Variants in SLIT3 observed in about 807,000 individuals in gnomAD.
SLIT3 encodes slit homolog 3 protein.
SLIT3 carries 68 observed loss-of-function variants against 184.0 expected under a neutral mutation model. The ratio of observed to expected loss-of-function variants is 0.37; its 90% CI spans 0.30 to 0.45. The LOEUF is 0.45. SLIT3 is among the 20% of genes least tolerant of loss of function. The pLI is 1.00. For synonymous variants in SLIT3, 831 were observed against 828.6 expected (o/e 1.00, Z -0.05); for missense variants, 1,707 against 2,026.0 (o/e 0.84, Z 3.02).
chr5:168,873,663 C>T lies in SLIT3; in HGVS notation c.485+9602G>A, dbSNP rs147159788. ...AAAGATAAGATAATACACGTGAAGG[C>T]TGCGTGCAAACCAGAAAGCAACGTA... On this transcript the variant is annotated intron_variant, in intron 5 of 35. Coordinates refer to ENST00000519560, the MANE Select transcript of SLIT3 (RefSeq NM_003062.4). Among the ~76,000 whole-genome samples, 622 of 152,190 alleles carry T rather than the reference C, an allele frequency of 4.1e-3. 3 individuals carry two copies. Among genetic ancestry groups the T allele is most frequent in the African/African-American group, 0.014 (584 of 41,504 alleles).
chr5:168,785,133 G>A (rs1221820305), intron 12 of SLIT3, among the ~76,000 whole-genome samples: 1 of 134,634 alleles, frequency 7.4e-6, no homozygotes, highest in African/African-American at 2.8e-5. Flanking sequence ...ATGTGCACAT[G>A]CATGCACACA....
At position 168,970,990 on chromosome 5, in the gene SLIT3, C is replaced by T. The variant is rs148300242; in HGVS notation, c.414-87654G>A. On this transcript the variant is annotated intron_variant, in intron 4 of 35. Coordinates refer to ENST00000519560, the MANE Select transcript of SLIT3 (RefSeq NM_003062.4). ...GCTTGCATGCTGGTGGACCCATCTT[C>T]TTTATCCATCTGCCCAACAATTCAT... 1.4e-4 allele frequency among the ~76,000 whole-genome samples: 21 copies of T among 152,316 alleles called. 1 individual carries two copies. The highest frequency in any genetic ancestry group is 5.1e-4 in the African/African-American group (21 of 41,574).
intron 35 of SLIT3, among the ~76,000 whole-genome samples, chr5:168,666,996 C>A (rs189044601): frequency 6.6e-6 from 1 of 152,278 alleles, no homozygotes. Flanking sequence ...AACTGATAGA[C>A]TGTGGGCCAA....
Position 168,909,642 on chromosome 5 carries a change from C to A in SLIT3, c.414-26306G>T, listed in dbSNP as rs187656809. ...AAGACATTTGAGTGGTAATCCCTGG[C>A]CTGGAGTTTTGAGAATAGAGCCTGA... is the stretch of plus-strand genomic sequence containing the variant. On this transcript the variant is annotated intron_variant, in intron 4 of 35. Coordinates refer to ENST00000519560, the MANE Select transcript of SLIT3 (RefSeq NM_003062.4). 2.1e-3 allele frequency among the ~76,000 whole-genome samples: 316 copies of A among 152,260 alleles called. 3 individuals are homozygous for A. Among genetic ancestry groups the A allele is most frequent in the African/African-American group, 7.3e-3 (302 of 41,528 alleles).
intron 4 of SLIT3, among the ~76,000 whole-genome samples, chr5:168,986,173 C>A (rs114826706): frequency 4.5e-4 from 68 of 152,264 alleles, no homozygotes; most frequent in Middle Eastern, 3.4e-3. Context: ...TCTTTTCTTA[C>A]GTCTGGTTCT....
In SLIT3 at chr5:169,283,934, G is replaced by A. The variant is rs374724689; in HGVS notation, c.197+16579C>T. Among the ~76,000 whole-genome samples the A allele has an allele frequency of 5.3e-5, 8 of 152,252 alleles. 1 individual carries two copies. In the East Asian group the frequency reaches 1.2e-3, roughly 22 times the overall value. ...CCTGGGAGGTCTTAGGGAAGAAAAG[G>A]AGAAGCTCGTAGTCAATGGTTCCTA... On this transcript the variant is annotated intron_variant, in intron 1 of 35. Coordinates refer to ENST00000519560, the MANE Select transcript of SLIT3 (RefSeq NM_003062.4).
chr5:168,883,386 G>C, intron 4 of SLIT3, 50 bp from the exon 5 acceptor site: 2 of 1,352,618 alleles, frequency 1.5e-6, no homozygotes, highest in Non-Finnish European at 2.1e-6. Flanking sequence ...AGGCTGTCTT[G>C]ATCTGCATCT....
chr5:168,997,496 G>C (rs1258445695), intron 4 of SLIT3, among the ~76,000 whole-genome samples: 2 of 152,140 alleles, frequency 1.3e-5, no homozygotes, highest in Admixed American at 1.3e-4. Flanking sequence ...GTAGAGGGAG[G>C]TATGCGTGGG....
rs13179350 is a variant in SLIT3 at position 168,745,258 on chromosome 5, T to C, written c.2270+3044A>G. ...GGCTAAAACTTGAGCAGATAAGGAG[T>C]TGCTTCTTATAGATGAGGAAAGAAA... On this transcript the variant is annotated intron_variant, in intron 20 of 35. Coordinates refer to ENST00000519560, the MANE Select transcript of SLIT3 (RefSeq NM_003062.4). Among the ~76,000 whole-genome samples, 450 of 152,260 alleles carry C rather than the reference T, an allele frequency of 3.0e-3. 1 individual carries two copies. The highest frequency in any genetic ancestry group is 6.1e-3 in the Admixed American group (94 of 15,296).
rs146659730 is a variant in SLIT3, at chr5:168,702,297, G to A, written c.2845-1618C>T. On this transcript the variant is annotated intron_variant, in intron 26 of 35. Transcript: ENST00000519560. The stretch of plus-strand genomic sequence containing the variant: ...TGTTCACAACAACCCTATGAGATTG[G>A]TGTGATTGTTATTACACTATTTTTA... 3.3e-3 allele frequency among the ~76,000 whole-genome samples: 503 copies of A among 152,308 alleles called. 4 individuals carry two copies. Among genetic ancestry groups the A allele is most frequent in the African/African-American group, 0.012 (482 of 41,556 alleles).
At position 168,806,575 on chromosome 5, in the gene SLIT3, T is replaced by C; in HGVS notation, c.806A>G (p.Glu269Gly). The C allele has an allele frequency of 1.2e-6, 2 of 1,614,100 alleles. No homozygotes were observed. Among genetic ancestry groups the C allele is most frequent in the Non-Finnish European group, 1.7e-6 (2 of 1,179,990 alleles). The part of the protein sequence containing the change: ...KEYVCPAPHS[E>G]PPSCNANSIS... ...GGAGTTGGCATTGCAGGATGGGGGC[T>C]CCGAGTGGGGGGCTGTGGAGCCAAG... is the stretch of plus-strand genomic sequence containing the variant. The change falls in exon 9 of 36, where the codon GAG (glutamate) becomes GGG (glycine). Residue 269 changes from glutamate to glycine, a missense_variant. Transcript: ENST00000519560.
intron 4 of SLIT3, among the ~76,000 whole-genome samples, chr5:169,061,040 T>C (rs1464624259): frequency 6.6e-6 from 1 of 152,212 alleles, no homozygotes; most frequent in African/African-American, 2.4e-5. Context: ...GTTTCCTTAT[T>C]GCAAAGCATG....
chr5:169,108,315 C>T (rs1233828179), intron 4 of SLIT3, among the ~76,000 whole-genome samples: 3 of 152,216 alleles, frequency 2.0e-5, no homozygotes, highest in African/African-American at 7.2e-5. Context: ...ATGCTGGAGT[C>T]ACCACATTTG....
rs137892216 is a variant in SLIT3 at position 169,087,546 on chromosome 5, G to A, written c.413+105933C>T. 2.4e-3 allele frequency among the ~76,000 whole-genome samples: 369 copies of A among 152,320 alleles called. 5 individuals carry two copies. The highest frequency in any genetic ancestry group is 0.01 in the South Asian group (49 of 4,824). On this transcript the variant is annotated intron_variant, in intron 4 of 35. Transcript: ENST00000519560. ...GTGTACAATTAGGAACAACCTATGT[G>A]CCTAACATGAGGGGAATAGTTAGCT...
intron 4 of SLIT3, among the ~76,000 whole-genome samples, chr5:168,932,193 T>C (rs1318192866): frequency 6.6e-6 from 1 of 151,300 alleles, no homozygotes; most frequent in Non-Finnish European, 1.5e-5. Flanking sequence ...GGACGATTTC[T>C]CCTAATTCAG....
intron 4 of SLIT3, among the ~76,000 whole-genome samples, chr5:168,884,222 G>A (rs1053862747): frequency 2.0e-5 from 3 of 150,906 alleles, no homozygotes; most frequent in Non-Finnish European, 4.4e-5. Context: ...TGTAAAGACC[G>A]ACCCATCAGG....
chr5:169,267,233 G>A (rs779183885), intron 1 of SLIT3, among the ~76,000 whole-genome samples: 26 of 152,140 alleles, frequency 1.7e-4, no homozygotes, highest in Admixed American at 2.6e-4. Flanking sequence ...AGGATTAGTG[G>A]CTGAAAATTT....
intron 4 of SLIT3, among the ~76,000 whole-genome samples, chr5:169,192,315 T>C (rs946813701): frequency 4.6e-5 from 7 of 152,114 alleles, no homozygotes; most frequent in African/African-American, 1.7e-4. Context: ...TGCAGGTGTG[T>C]CCTAGAGAAG....
At chr5:168,746,392 G>C (rs1380121509) in intron 20 of SLIT3, among the ~76,000 whole-genome samples, 63 of 119,308 alleles carry the variant, frequency 5.3e-4, no homozygotes, top group Non-Finnish European at 9.3e-4. Flanking sequence ...GTGTGGGTGT[G>C]TGGTGTCTGG....
Sources: allele counts gnomAD v4.1 joint callset (sites outside exome capture counted in the v4.1 genomes callset), GRCh38; gene constraint gnomAD v4.1.1; transcripts MANE v1.5; gene names NCBI Gene and HGNC (gene_info 2026-07-23, HGNC 2026-07-21).